GALNT13: variants seen among roughly 807,000 people sequenced by gnomAD.
GALNT13 encodes polypeptide N-acetylgalactosaminyltransferase 13, also known as UDP-GalNAc:polypeptide N-acetylgalactosaminyltransferase 13.
GALNT13 carries 28 observed loss-of-function variants against 64.2 expected under a neutral mutation model. That is an observed-to-expected ratio of 0.44 (90% confidence interval 0.32 to 0.60). GALNT13 has a LOEUF of 0.60. GALNT13 is among the 20% of genes least tolerant of loss of function. The pLI, the probability that GALNT13 is intolerant of heterozygous loss-of-function variation, is 0.05. For synonymous variants in GALNT13, 214 were observed against 224.6 expected (o/e 0.95, Z 0.42); for missense variants, 577 against 669.8 (o/e 0.86, Z 1.53).
chr2:153,399,266 C>G, the GALNT13 span, among the ~76,000 whole-genome samples: 1 of 151,846 alleles, frequency 6.6e-6, no homozygotes, highest in African/African-American at 2.4e-5. Flanking sequence ...GGGCTCTGTT[C>G]TGTTCCATTG....
chr2:154,301,318 CAT>C (rs1395856213), intron 8 of GALNT13, 89 bp from the exon 9 acceptor site: 3 of 1,099,462 alleles, frequency 2.7e-6, no homozygotes, highest in Admixed American at 4.3e-5. Flanking sequence ...TTGCTTGAAA[CAT>C]GTAAAATACG....
the GALNT13 span, among the ~76,000 whole-genome samples, chr2:153,368,984 A>G: frequency 2.6e-5 from 4 of 152,112 alleles, no homozygotes; most frequent in East Asian, 5.8e-4. Flanking sequence ...TTATTGGGCC[A>G]TAACAGAATT....
the GALNT13 span, among the ~76,000 whole-genome samples, chr2:153,861,713 C>T: frequency 6.6e-6 from 1 of 151,468 alleles, no homozygotes; most frequent in African/African-American, 2.4e-5. Flanking sequence ...ATTACAGGTG[C>T]CTGCCACCAT....
chr2:153,627,360 G>A, the GALNT13 span, among the ~76,000 whole-genome samples: 1 of 152,080 alleles, frequency 6.6e-6, no homozygotes, highest in African/African-American at 2.4e-5. Flanking sequence ...CATCCTTAGA[G>A]TTTGGTTGCA....
At chr2:154,019,956 G>T (rs907471747) in intron 3 of GALNT13, among the ~76,000 whole-genome samples, 1 of 151,778 alleles carries the variant, frequency 6.6e-6, no homozygotes, top group Non-Finnish European at 1.5e-5. Flanking sequence ...GTGGTGTTTG[G>T]TTTTTTGTCC....
chr2:154,260,861 T>C (rs1034624623), intron 8 of GALNT13, among the ~76,000 whole-genome samples: 1 of 152,148 alleles, frequency 6.6e-6, no homozygotes, highest in African/African-American at 2.4e-5. Flanking sequence ...AGAAATAAAA[T>C]CAACACAGAA....
At chr2:154,004,206 A>T (rs1240471056) in intron 3 of GALNT13, among the ~76,000 whole-genome samples, 1 of 143,728 alleles carries the variant, frequency 7.0e-6, no homozygotes, top group African/African-American at 2.7e-5. Flanking sequence ...ATTTCCTTTA[A>T]TTTTTTTTTG....
intron 9 of GALNT13, among the ~76,000 whole-genome samples, chr2:154,380,638 G>T (rs913642326): frequency 4.6e-5 from 7 of 151,824 alleles, no homozygotes; most frequent in African/African-American, 1.7e-4. Context: ...GACACAAAGG[G>T]GCAACATATT....
At chr2:153,728,856 A>G in the GALNT13 span, among the ~76,000 whole-genome samples, 1 of 152,316 alleles carries the variant, frequency 6.6e-6, no homozygotes, top group Non-Finnish European at 1.5e-5. Context: ...AATACTATAA[A>G]CACCTCTATG....
rs1325623581 is a variant in GALNT13 at position 154,260,085 on chromosome 2, C to T, written c.975+947C>T. ...ATTTTTTGTAGAGACAGGGTTTTGC[C>T]ATGTTGCCCAGGGTGGTCTCAAATT... On this transcript the variant is annotated intron_variant, in intron 8 of 12. Transcript: ENST00000392825. Among the ~76,000 whole-genome samples the T allele has an allele frequency of 3.9e-5, 6 of 151,914 alleles. No homozygotes were observed. In the East Asian group the frequency reaches 9.7e-4, roughly 25 times the overall value.
At chr2:154,359,860 A>C (rs1696964069) in intron 9 of GALNT13, among the ~76,000 whole-genome samples, 1 of 152,134 alleles carries the variant, frequency 6.6e-6, no homozygotes. Context: ...CAGTAAAATG[A>C]ATTATAAGTT....
At chr2:154,192,389 A>C (rs1686642557) in intron 4 of GALNT13, among the ~76,000 whole-genome samples, 1 of 152,012 alleles carries the variant, frequency 6.6e-6, no homozygotes, top group Non-Finnish European at 1.5e-5. Flanking sequence ...CCGGGGGTGG[A>C]ACCCTACCCA....
chr2:153,924,034 T>C (rs551689304), intron 2 of GALNT13, among the ~76,000 whole-genome samples: 3 of 152,152 alleles, frequency 2.0e-5, no homozygotes, highest in East Asian at 3.9e-4. Context: ...AGCATGTCAA[T>C]CATGATTTTT....
chr2:154,005,792 G>T (rs1481867453), intron 3 of GALNT13, among the ~76,000 whole-genome samples: 2 of 152,052 alleles, frequency 1.3e-5, no homozygotes, highest in Non-Finnish European at 2.9e-5. Context: ...ACTTTTGTGT[G>T]CATAAGAATC....
At chr2:153,584,973 T>C in the GALNT13 span, among the ~76,000 whole-genome samples, 1 of 152,168 alleles carries the variant, frequency 6.6e-6, no homozygotes, top group Non-Finnish European at 1.5e-5. Flanking sequence ...AATTCAAAAT[T>C]AGAAGCACCT....
At chr2:153,901,827 C>T (rs1341542446) in intron 2 of GALNT13, among the ~76,000 whole-genome samples, 1 of 152,118 alleles carries the variant, frequency 6.6e-6, no homozygotes, top group Admixed American at 6.6e-5. Flanking sequence ...ATAACAGCTC[C>T]TCCCCTAATG....
chr2:153,227,736 G>T, the GALNT13 span, among the ~76,000 whole-genome samples: 1 of 152,142 alleles, frequency 6.6e-6, no homozygotes, highest in South Asian at 2.1e-4. Context: ...AGGCTATGAT[G>T]AAAGATAGTC....
intron 3 of GALNT13, among the ~76,000 whole-genome samples, chr2:154,081,405 C>T (rs1486686461): frequency 6.6e-6 from 1 of 151,536 alleles, no homozygotes; most frequent in Non-Finnish European, 1.5e-5. Context: ...TTGCATCACT[C>T]CCCTTGTGTC....
chr2:153,169,749 G>A, the GALNT13 span, among the ~76,000 whole-genome samples: 1,062 of 152,240 alleles, frequency 7.0e-3, 18 homozygotes, highest in African/African-American at 0.024. Context: ...GAAACCTGCA[G>A]TGCATTATTT....
Sources: allele counts gnomAD v4.1 joint callset (sites outside exome capture counted in the v4.1 genomes callset), GRCh38; gene constraint gnomAD v4.1.1; transcripts MANE v1.5; gene names NCBI Gene and HGNC (gene_info 2026-07-23, HGNC 2026-07-21).